SUGCT: variants seen among roughly 807,000 people sequenced by gnomAD.
SUGCT encodes succinyl-CoA:glutarate CoA-transferase.
SUGCT carries 41 observed loss-of-function variants against 55.0 expected under a neutral mutation model. That is an observed-to-expected ratio of 0.74 (90% CI 0.58 to 0.97). The LOEUF (loss-of-function observed/expected upper bound fraction) is 0.97. Among genes scored for constraint, SUGCT ranks in the 50% least tolerant of loss-of-function variants. The probability of loss-of-function intolerance (pLI) is 0.00; values close to 1 mark genes in which losing one functional copy is unlikely to be tolerated. For missense variants in SUGCT, 568 were observed against 547.8 expected, an observed-to-expected ratio of 1.04 and a Z score of -0.37; for synonymous variants, 187 against 200.4, an observed-to-expected ratio of 0.93 and a Z score of 0.56.
At chr7:40,964,137 C>A in the SUGCT span, among the ~76,000 whole-genome samples, 2 of 152,166 alleles carry the variant, frequency 1.3e-5, no homozygotes, top group African/African-American at 4.8e-5. Context: ...AGAAGGACTT[C>A]TCTATTCATT....
the SUGCT span, among the ~76,000 whole-genome samples, chr7:40,892,346 G>A: frequency 6.6e-6 from 1 of 151,922 alleles, no homozygotes; most frequent in Admixed American, 6.6e-5. Flanking sequence ...ATAAAACAAA[G>A]ACCTATAGTA....
chr7:40,526,081 C>T lies in SUGCT; in HGVS notation c.1089+29695C>T, dbSNP rs151319993. On this transcript the variant is annotated intron_variant, in intron 12 of 13. Transcript: ENST00000335693. ...AGGAAAAGTTTTATGAAGATTTTTA[C>T]TGTTAAATGTTGCTTTAAAGGTATG... Among the ~76,000 whole-genome samples the T allele has an allele frequency of 4.2e-3, 641 of 152,238 alleles. 6 individuals are homozygous for T. The highest frequency in any genetic ancestry group is 0.015 in the African/African-American group (610 of 41,550).
chr7:40,534,723 A>C (rs1438463031), intron 12 of SUGCT, among the ~76,000 whole-genome samples: 1 of 152,286 alleles, frequency 6.6e-6, no homozygotes, highest in Admixed American at 6.5e-5. Context: ...CCGGCCTAAA[A>C]TTTCTTTATC....
At chr7:41,007,488 T>C in the SUGCT span, among the ~76,000 whole-genome samples, 540 of 152,330 alleles carry the variant, frequency 3.5e-3, 8 homozygotes, top group African/African-American at 9.4e-3. Flanking sequence ...GTATTGTTCC[T>C]GCTGTGTGCA....
intron 12 of SUGCT, among the ~76,000 whole-genome samples, chr7:40,641,733 C>T (rs988665920): frequency 6.6e-6 from 1 of 152,184 alleles, no homozygotes; most frequent in African/African-American, 2.4e-5. Flanking sequence ...CCTTTATCAT[C>T]TTACCTTCTC....
chr7:40,521,582 C>A (rs1793529199), intron 12 of SUGCT, among the ~76,000 whole-genome samples: 1 of 152,124 alleles, frequency 6.6e-6, no homozygotes, highest in Non-Finnish European at 1.5e-5. Flanking sequence ...ACAGTAGTGA[C>A]AGCCTCATGA....
the SUGCT span, among the ~76,000 whole-genome samples, chr7:41,003,836 G>C: frequency 8.5e-5 from 13 of 152,322 alleles, no homozygotes; most frequent in East Asian, 2.5e-3. Context: ...GTCAGAAACA[G>C]AAAAGCATGC....
chr7:40,154,659 T>G (rs1406324283), intron 1 of SUGCT, among the ~76,000 whole-genome samples: 1 of 152,104 alleles, frequency 6.6e-6, no homozygotes, highest in East Asian at 1.9e-4. Context: ...CTGTTTTCTA[T>G]TTTGCCAAGC....
chr7:40,365,286 A>G (rs1783878901), intron 9 of SUGCT, among the ~76,000 whole-genome samples: 2 of 152,142 alleles, frequency 1.3e-5, no homozygotes, highest in South Asian at 4.1e-4. Flanking sequence ...GCTATCTATG[A>G]CAAACCCACA....
chr7:40,183,122 A>G (rs937611253), intron 3 of SUGCT, among the ~76,000 whole-genome samples: 1 of 152,082 alleles, frequency 6.6e-6, no homozygotes, highest in African/African-American at 2.4e-5. Context: ...AAAATACAAA[A>G]ATGAGCCAGG....
chr7:40,531,766 C>T (rs1030472255), intron 12 of SUGCT, among the ~76,000 whole-genome samples: 3 of 152,056 alleles, frequency 2.0e-5, no homozygotes, highest in African/African-American at 4.8e-5. Flanking sequence ...CTCCGCTTCC[C>T]GGGTTCCCGC....
intron 8 of SUGCT, among the ~76,000 whole-genome samples, chr7:40,311,550 A>G (rs1226787773): frequency 6.6e-6 from 1 of 151,984 alleles, no homozygotes; most frequent in Non-Finnish European, 1.5e-5. Flanking sequence ...CTTTCTCACC[A>G]TGGTTTAGTT....
intron 13 of SUGCT, among the ~76,000 whole-genome samples, chr7:40,777,287 G>A (rs1359784988): frequency 1.3e-5 from 2 of 152,092 alleles, no homozygotes; most frequent in East Asian, 1.9e-4. Flanking sequence ...TGAATGGAAA[G>A]CCACATGATG....
intron 9 of SUGCT, among the ~76,000 whole-genome samples, chr7:40,423,119 T>A (rs1562766412): frequency 6.6e-6 from 1 of 152,160 alleles, no homozygotes; most frequent in East Asian, 1.9e-4. Flanking sequence ...TTGGCAGAAC[T>A]GACAGCTTTA....
intron 8 of SUGCT, among the ~76,000 whole-genome samples, chr7:40,278,210 T>A (rs1399102593): frequency 1.3e-5 from 2 of 151,978 alleles, no homozygotes; most frequent in Non-Finnish European, 2.9e-5. Flanking sequence ...GAAATGCAAA[T>A]CAAAACCACA....
chr7:40,998,809 C>A, the SUGCT span, among the ~76,000 whole-genome samples: 4 of 152,210 alleles, frequency 2.6e-5, no homozygotes, highest in Non-Finnish European at 2.9e-5. Flanking sequence ...CTTTTCACTG[C>A]GCCCCTAATG....
chr7:40,207,355 C>T (rs1387035090), intron 6 of SUGCT, among the ~76,000 whole-genome samples: 2 of 152,094 alleles, frequency 1.3e-5, no homozygotes, highest in Non-Finnish European at 2.9e-5. Flanking sequence ...ACCAAAACCA[C>T]AACGAGATAC....
intron 9 of SUGCT, among the ~76,000 whole-genome samples, chr7:40,433,343 T>TC (rs1788005691): frequency 6.6e-6 from 1 of 151,986 alleles, no homozygotes; most frequent in Non-Finnish European, 1.5e-5. Flanking sequence ...TTTTCTTTTT[T>TC]TTTTTGTCTT....
chr7:40,393,508 G>A (rs1256796311), intron 9 of SUGCT, among the ~76,000 whole-genome samples: 4 of 152,080 alleles, frequency 2.6e-5, no homozygotes, highest in African/African-American at 7.3e-5. Context: ...CCTTTTTCAT[G>A]TATTGTGGAT....
Sources: gnomAD v4.1 joint callset for allele counts (sites outside exome capture counted in the v4.1 genomes callset) on GRCh38, gnomAD v4.1.1 for gene constraint, MANE v1.5 for transcripts, NCBI Gene and HGNC (gene_info 2026-07-23, HGNC 2026-07-21) for gene names.